Variants in DYM observed in about 807,000 individuals in gnomAD.
DYM encodes the protein dymeclin, also known as dyggve-Melchior-Clausen syndrome protein.
DYM carries 78 observed loss-of-function variants against 93.1 expected under a neutral mutation model. The observed-to-expected ratio is 0.84, with a 90% CI of 0.70 to 1.01. DYM has a LOEUF of 1.01. Ranked by LOEUF, DYM falls within the 50% of genes least tolerant of loss-of-function variation. The probability of loss-of-function intolerance (pLI) is 0.00; values close to 1 mark genes in which losing one functional copy is unlikely to be tolerated. For missense variants in DYM, 789 were observed against 845.0 expected (o/e 0.93, Z 0.82); for synonymous variants, 321 against 319.7 (o/e 1.00, Z -0.04).
chr18:49,435,620 T>G (rs12604804), intron 1 of DYM, among the ~76,000 whole-genome samples: 13,834 of 151,918 alleles, frequency 0.091, 839 homozygotes, highest in East Asian at 0.31. Context: ...AAACCCCATC[T>G]CTACTAAAAA....
intron 17 of DYM, among the ~76,000 whole-genome samples, chr18:49,086,720 C>A (rs555288459): frequency 2.3e-4 from 35 of 152,088 alleles, no homozygotes; most frequent in African/African-American, 7.5e-4. Flanking sequence ...GGGCTGGGCG[C>A]GGTGGCTCTG....
intron 11 of DYM, among the ~76,000 whole-genome samples, chr18:49,265,032 A>T (rs1231006450): frequency 9.2e-5 from 14 of 152,240 alleles, no homozygotes; most frequent in Admixed American, 9.2e-4. Context: ...TTACCAAATT[A>T]GTAATACCAA....
intron 13 of DYM, among the ~76,000 whole-genome samples, chr18:49,237,840 T>C (rs1033253279): frequency 3.3e-5 from 5 of 152,108 alleles, no homozygotes; most frequent in Admixed American, 6.5e-5. Context: ...ACTACATGTA[T>C]TATTTCATAT....
At chr18:49,297,348 A>G (rs1409980549) in intron 8 of DYM, among the ~76,000 whole-genome samples, 1 of 152,250 alleles carries the variant, frequency 6.6e-6, no homozygotes, top group Non-Finnish European at 1.5e-5. Flanking sequence ...ACATCAATAT[A>G]AAGTTCAAAA....
At chr18:49,407,455 C>T (rs1360725199) in intron 2 of DYM, among the ~76,000 whole-genome samples, 1 of 152,180 alleles carries the variant, frequency 6.6e-6, no homozygotes, top group East Asian at 1.9e-4. Context: ...TTAGCAACTG[C>T]TCAGCTTCTG....
At chr18:49,266,132 A>C (rs749535423) in intron 11 of DYM, among the ~76,000 whole-genome samples, 1 of 152,130 alleles carries the variant, frequency 6.6e-6, no homozygotes, top group African/African-American at 2.4e-5. Flanking sequence ...AAATAATTAA[A>C]CTAACAAAAA....
intron 10 of DYM, 97 bp from the exon 11 acceptor site, chr18:49,272,400 T>C: frequency 2.4e-6 from 2 of 845,590 alleles, no homozygotes; most frequent in East Asian, 2.7e-5. Flanking sequence ...TTTGCTTTAA[T>C]ATCAGTTATA....
chr18:49,446,699 A>G (rs1230597088), intron 1 of DYM, among the ~76,000 whole-genome samples: 2 of 152,212 alleles, frequency 1.3e-5, no homozygotes, highest in African/African-American at 2.4e-5. Flanking sequence ...GGATACATCA[A>G]CAAGAAATGT....
intron 9 of DYM, among the ~76,000 whole-genome samples, chr18:49,284,851 GC>G (rs1261074965): frequency 1.3e-5 from 2 of 152,104 alleles, no homozygotes; most frequent in African/African-American, 4.8e-5. Flanking sequence ...GTTATAGTTT[GC>G]CTGTATCCTC....
chr18:49,128,126 G>A (rs148265082), intron 15 of DYM, among the ~76,000 whole-genome samples: 39 of 152,294 alleles, frequency 2.6e-4, no homozygotes, highest in Non-Finnish European at 4.7e-4. Context: ...TTCCACATCC[G>A]GAGAAGAGCC....
intron 16 of DYM, among the ~76,000 whole-genome samples, chr18:49,110,481 TAAGA>T (rs1327692552): frequency 6.6e-6 from 1 of 152,106 alleles, no homozygotes; most frequent in African/African-American, 2.4e-5. Flanking sequence ...TTTTTGAGGG[TAAGA>T]TTTTGTTTTT....
intron 14 of DYM, among the ~76,000 whole-genome samples, chr18:49,193,407 G>C (rs1306739159): frequency 6.6e-6 from 1 of 152,068 alleles, no homozygotes; most frequent in Admixed American, 6.5e-5. Context: ...GCCTCTTATA[G>C]ACAGCTAGTT....
intron 14 of DYM, among the ~76,000 whole-genome samples, chr18:49,165,652 G>A (rs1237058340): frequency 6.6e-6 from 1 of 151,964 alleles, no homozygotes; most frequent in Non-Finnish European, 1.5e-5. Flanking sequence ...CATAACAGAG[G>A]CAATGAATAT....
chr18:49,275,524 G>C (rs530891414), intron 10 of DYM, among the ~76,000 whole-genome samples: 1 of 152,032 alleles, frequency 6.6e-6, no homozygotes, highest in Non-Finnish European at 1.5e-5. Flanking sequence ...GATTCTAATA[G>C]GTATTGTGCT....
chr18:49,373,002 T>G (rs1267878230), intron 5 of DYM, among the ~76,000 whole-genome samples: 1 of 152,040 alleles, frequency 6.6e-6, no homozygotes, highest in South Asian at 2.1e-4. Flanking sequence ...AAACCTTGCT[T>G]CTCAAGCTTG....
intron 14 of DYM, among the ~76,000 whole-genome samples, chr18:49,199,632 AG>A (rs899663898): frequency 1.3e-5 from 2 of 152,242 alleles, no homozygotes; most frequent in African/African-American, 4.8e-5. Context: ...AATAAAGCAC[AG>A]CCACAACAGA....
chr18:49,421,520 G>C (rs1446266756), intron 2 of DYM, among the ~76,000 whole-genome samples: 1 of 152,168 alleles, frequency 6.6e-6, no homozygotes, highest in Non-Finnish European at 1.5e-5. Context: ...AAAGACCAAA[G>C]ATAGATAAAA....
intron 13 of DYM, among the ~76,000 whole-genome samples, chr18:49,228,673 T>A (rs2144334539): frequency 6.6e-6 from 1 of 152,284 alleles, no homozygotes; most frequent in African/African-American, 2.4e-5. Flanking sequence ...CCGCAATACT[T>A]CTACCAACCT....
chr18:49,277,059 A>T (rs796209478), intron 10 of DYM, among the ~76,000 whole-genome samples: 1 of 152,310 alleles, frequency 6.6e-6, no homozygotes, highest in South Asian at 2.1e-4. Context: ...GCTCCCTGTG[A>T]CAGAGAATAC....
Sources: allele counts gnomAD v4.1 joint callset (sites outside exome capture counted in the v4.1 genomes callset), GRCh38; gene constraint gnomAD v4.1.1; transcripts MANE v1.5; gene names NCBI Gene and HGNC (gene_info 2026-07-23, HGNC 2026-07-21).